PIP5K1B: variants seen among roughly 807,000 people sequenced by gnomAD.
PIP5K1B encodes phosphatidylinositol 4-phosphate 5-kinase type-1 beta.
Under a neutral mutation model 67.0 loss-of-function variants are expected in PIP5K1B, and 42 were observed. The observed-to-expected ratio is 0.63, with a 90% CI of 0.49 to 0.81. PIP5K1B has a LOEUF of 0.81. PIP5K1B is among the 30% of genes least tolerant of loss of function. The probability of loss-of-function intolerance (pLI) is 0.00; values close to 1 mark genes in which losing one functional copy is unlikely to be tolerated. For missense variants in PIP5K1B, 459 were observed against 646.3 expected, an observed-to-expected ratio of 0.71 and a Z score of 3.14; for synonymous variants, 214 against 231.4, an observed-to-expected ratio of 0.92 and a Z score of 0.68.
intron 5 of PIP5K1B, among the ~76,000 whole-genome samples, chr9:68,870,306 G>A (rs1823568174): frequency 6.6e-6 from 1 of 152,160 alleles, no homozygotes; most frequent in Non-Finnish European, 1.5e-5. Context: ...TTACAGATTG[G>A]CTGTCAGCTG....
intron 8 of PIP5K1B, among the ~76,000 whole-genome samples, chr9:68,908,130 C>T (rs1268462236): frequency 6.6e-6 from 1 of 152,086 alleles, no homozygotes; most frequent in Non-Finnish European, 1.5e-5. Flanking sequence ...TCTCTGCTGA[C>T]GTACCAGTTA....
intron 3 of PIP5K1B, among the ~76,000 whole-genome samples, chr9:68,822,072 TTGAG>T (rs973123839): frequency 5.3e-5 from 8 of 152,212 alleles, no homozygotes; most frequent in African/African-American, 1.9e-4. Context: ...GGTAGTAGAA[TTGAG>T]TAATTTTTTT....
In PIP5K1B at chr9:68,940,642, C is replaced by G. The variant is rs1165768763; in HGVS notation, c.1358-4C>G. On this transcript the variant is annotated splice_polypyrimidine_tract_variant and splice_region_variant and intron_variant, in intron 13 of 15. Coordinates refer to ENST00000265382, the MANE Select transcript of PIP5K1B (RefSeq NM_003558.4). ...ATGAATGTGTGTGTTGCTTTCGTTC[C>G]TAGCCCTGGGATCCCGACACAGGCC... 6.2e-7 allele frequency: 1 copy of G among 1,612,978 alleles called. No homozygotes were observed. Among genetic ancestry groups the G allele is most frequent in the African/African-American group, 1.3e-5 (1 of 74,888 alleles).
chr9:68,762,511 A>G (rs1356751339), intron 2 of PIP5K1B, among the ~76,000 whole-genome samples: 1 of 152,166 alleles, frequency 6.6e-6, no homozygotes, highest in African/African-American at 2.4e-5. Flanking sequence ...CAGATTAATT[A>G]TGCCATTATC....
chr9:69,002,522 G>A (rs180723125), intron 15 of PIP5K1B, among the ~76,000 whole-genome samples: 104 of 152,148 alleles, frequency 6.8e-4, no homozygotes, highest in African/African-American at 2.5e-3. Context: ...CCAATACAAC[G>A]AGAAATCCCC....
intron 14 of PIP5K1B, among the ~76,000 whole-genome samples, chr9:68,941,672 G>T (rs934735676): frequency 6.6e-6 from 1 of 152,164 alleles, no homozygotes; most frequent in Non-Finnish European, 1.5e-5. Context: ...CAATAATCAA[G>T]ATCAGATTTA....
intron 14 of PIP5K1B, among the ~76,000 whole-genome samples, chr9:68,950,822 C>T (rs2132685985): frequency 6.6e-6 from 1 of 152,224 alleles, no homozygotes; most frequent in East Asian, 1.9e-4. Flanking sequence ...CCTGTGGAGT[C>T]ATCACCACAG....
At chr9:68,798,301 TACTGTAGAC>T (rs925415491) in intron 2 of PIP5K1B, among the ~76,000 whole-genome samples, 6 of 152,214 alleles carry the variant, frequency 3.9e-5, no homozygotes, top group African/African-American at 1.2e-4. Flanking sequence ...CTTGAGCTCT[TACTGTAGAC>T]ACTGTGGACC....
At chr9:68,788,713 G>T in intron 2 of PIP5K1B, 1 of 262,926 alleles carries the variant, frequency 3.8e-6, no homozygotes, top group Non-Finnish European at 7.8e-6. Flanking sequence ...CTCACGTTTA[G>T]GACCCCTTTG....
Position 68,919,715 on chromosome 9 carries a change from CTT to C in PIP5K1B, c.1103_1104del (p.Leu368ArgfsTer3), listed in dbSNP as rs1332245724. The part of the protein sequence containing the change: ...MKKLEHSWKA[L>X]VYDGDTVSVH... The stretch of plus-strand genomic sequence containing the variant: ...GAAGTTAGAACATTCCTGGAAAGCT[CTT>C]GTTTATGATGGGGTAAGTGACTTAT... On this transcript the variant is annotated frameshift_variant, in exon 11 of 16. Transcript: ENST00000265382. LOFTEE classifies it high-confidence loss of function. 15 of 1,551,042 alleles carry C rather than the reference CTT, an allele frequency of 9.7e-6. No individual in the cohort carries two copies. Among genetic ancestry groups the C allele is most frequent in the Non-Finnish European group, 1.2e-5 (13 of 1,124,206 alleles).
intron 12 of PIP5K1B, among the ~76,000 whole-genome samples, chr9:68,926,993 G>A (rs916535232): frequency 1.3e-5 from 2 of 152,092 alleles, no homozygotes; most frequent in South Asian, 2.1e-4. Flanking sequence ...TGTCTCTATG[G>A]TTTTGCCTAT....
intron 2 of PIP5K1B, among the ~76,000 whole-genome samples, chr9:68,814,338 G>T (rs1171207542): frequency 1.3e-5 from 2 of 152,112 alleles, no homozygotes; most frequent in South Asian, 2.1e-4. Context: ...AACCAGCAAA[G>T]AAATAATGAG....
Position 68,918,087 on chromosome 9 carries a change from A to ATT in PIP5K1B, c.983+330_983+331dup, listed in dbSNP as rs200797718. On this transcript the variant is annotated intron_variant, in intron 9 of 15. Transcript: ENST00000265382. The stretch of plus-strand genomic sequence containing the variant: ...TTTGAATAAACATGTTTTATTGTTT[A>ATT]TTTATTTATTTTTTTTTTTTGAGAC... Among the ~76,000 whole-genome samples the ATT allele has an allele frequency of 1.4e-4, 19 of 133,004 alleles. 1 individual carries two copies. The highest frequency in any genetic ancestry group is 3.8e-4 in the Admixed American group (5 of 13,024). 87.3% of individuals were successfully genotyped at this position (133,004 alleles called of 152,430 possible).
rs538821724 is a variant in PIP5K1B, at chr9:68,767,906, T to C, written c.-86+25249T>C. On this transcript the variant is annotated intron_variant, in intron 2 of 15. Transcript: ENST00000265382. ...AATTATATGCCACTAAAATGAACTTTTAAAGGAATAAATAAAATTATAAGT... is the reference window on the plus strand; with the variant it reads ...AATTATATGCCACTAAAATGAACTTCTAAAGGAATAAATAAAATTATAAGT... Among the ~76,000 whole-genome samples, 3 of 151,990 alleles carry C rather than the reference T, an allele frequency of 2.0e-5. No homozygotes were observed. The South Asian group carries it at 6.2e-4, about 32-fold the overall frequency.
chr9:68,888,716 G>A (rs1027385400), intron 6 of PIP5K1B, among the ~76,000 whole-genome samples: 3 of 152,192 alleles, frequency 2.0e-5, no homozygotes, highest in Non-Finnish European at 2.9e-5. Flanking sequence ...TGGACTGATA[G>A]GATGATTCAT....
At chr9:68,878,892 G>A (rs1824031623) in intron 6 of PIP5K1B, among the ~76,000 whole-genome samples, 1 of 152,182 alleles carries the variant, frequency 6.6e-6, no homozygotes, top group Non-Finnish European at 1.5e-5. Context: ...AGAGATGGAT[G>A]CTCAGGGGGT....
At chr9:68,837,660 G>T (rs1821693892) in intron 4 of PIP5K1B, among the ~76,000 whole-genome samples, 1 of 124,054 alleles carries the variant, frequency 8.1e-6, no homozygotes, top group African/African-American at 3.1e-5. Context: ...TTTGTTAATA[G>T]TTCCCTTAAG....
intron 12 of PIP5K1B, among the ~76,000 whole-genome samples, chr9:68,929,914 C>T (rs1008810463): frequency 2.6e-5 from 4 of 152,248 alleles, no homozygotes; most frequent in Non-Finnish European, 5.9e-5. Context: ...AAGTGATCCA[C>T]CCACCTTGGC....
intron 14 of PIP5K1B, among the ~76,000 whole-genome samples, chr9:68,973,663 A>G (rs1371795519): frequency 1.3e-5 from 2 of 152,190 alleles, no homozygotes; most frequent in Non-Finnish European, 2.9e-5. Flanking sequence ...GTTTACATAT[A>G]TGTGCTTTCT....
Sources: gnomAD v4.1 joint callset for allele counts (sites outside exome capture counted in the v4.1 genomes callset) on GRCh38, gnomAD v4.1.1 for gene constraint, MANE v1.5 for transcripts, NCBI Gene and HGNC (gene_info 2026-07-23, HGNC 2026-07-21) for gene names.